Variants in IDO2 observed in about 807,000 individuals in gnomAD.
IDO2 encodes indoleamine 2,3-dioxygenase-like 1 protein.
In IDO2, 46 loss-of-function variants were observed where a neutral mutation model predicts 45.1. The ratio of observed to expected loss-of-function variants is 1.02; its 90% CI spans 0.80 to 1.30. The LOEUF (loss-of-function observed/expected upper bound fraction) is 1.30, where lower values mean the gene tolerates loss of function less well. Among genes scored for constraint, IDO2 ranks in the 50% most tolerant of loss-of-function variants. The pLI is 0.00. For synonymous variants in IDO2, 218 were observed against 184.9 expected (o/e 1.18, Z -1.45); for missense variants, 544 against 491.8 (o/e 1.11, Z -1.00).
chr8:40,008,045 CTTTTT>C (rs34451617), intron 9 of IDO2, among the ~76,000 whole-genome samples: 1 of 103,322 alleles, frequency 9.7e-6, no homozygotes, highest in Non-Finnish European at 1.9e-5. Flanking sequence ...AGCACTGGCA[CTTTTT>C]TTTTTTTTTT....
At chr8:39,989,648 G>A (rs1276028825) in intron 7 of IDO2, 73 bp from the exon 8 acceptor site, 4 of 1,063,032 alleles carry the variant, frequency 3.8e-6, no homozygotes, top group Non-Finnish European at 5.5e-6. Context: ...GGTTCCAACA[G>A]TATGAGGCTT....
chr8:39,969,389 G>A (rs767106820), intron 3 of IDO2, among the ~76,000 whole-genome samples: 1 of 152,088 alleles, frequency 6.6e-6, no homozygotes, highest in Non-Finnish European at 1.5e-5. Flanking sequence ...GCCCCTATAA[G>A]TCCTGAAACT....
intron 4 of IDO2, among the ~76,000 whole-genome samples, chr8:39,979,563 G>A (rs1232665482): frequency 6.6e-6 from 1 of 152,162 alleles, no homozygotes. Flanking sequence ...ATGTTGCCCA[G>A]GCTGGTCTCG....
chr8:40,000,416 A>T (rs1044159612), intron 8 of IDO2, among the ~76,000 whole-genome samples: 1 of 152,188 alleles, frequency 6.6e-6, no homozygotes, highest in African/African-American at 2.4e-5. Context: ...CTTCAAAAAA[A>T]AAAAAAAGTA....
At chr8:39,995,230 TCTC>T (rs1802018325) in intron 8 of IDO2, 3 of 85,954 alleles carry the variant, frequency 3.5e-5, no homozygotes, top group African/African-American at 1.7e-4. Context: ...TCCTTCTCCT[TCTC>T]CTTCTCCTTC....
At chr8:39,995,251 CCTTCTTCTTCTTCCTCTTCTT>C (rs1802020232) in intron 8 of IDO2, 2 of 78,030 alleles carry the variant, frequency 2.6e-5, no homozygotes, top group African/African-American at 1.0e-4. Flanking sequence ...TTCTCCTTCT[CCTTCTTCTTCTTCCTCTTCTT>C]CTTCTTCTTC....
At chr8:40,004,525 T>TGATGATA (rs1554549465) in intron 8 of IDO2, among the ~76,000 whole-genome samples, 1 of 144,398 alleles carries the variant, frequency 6.9e-6, no homozygotes, top group African/African-American at 2.6e-5. Context: ...GACAGACAGA[T>TGATGATA]GATAGATAGA....
chr8:39,995,251 C>CCTTCTCCTTCTCCTTCTTCTT (rs1554548607), intron 8 of IDO2: 2 of 78,058 alleles, frequency 2.6e-5, no homozygotes, highest in African/African-American at 5.1e-5. Context: ...TTCTCCTTCT[C>CCTTCTCCTTCTCCTTCTTCTT]CTTCTTCTTC....
intron 6 of IDO2, chr8:39,987,649 G>A: frequency 2.0e-6 from 1 of 498,748 alleles, no homozygotes. Context: ...TAGACATTGG[G>A]AGGCTGCCTG....
At chr8:40,009,134 C>T (rs961049589) in intron 9 of IDO2, among the ~76,000 whole-genome samples, 2 of 152,198 alleles carry the variant, frequency 1.3e-5, no homozygotes, top group African/African-American at 2.4e-5. Context: ...CCTGCCTCAG[C>T]CTCCCAAGTA....
intron 2 of IDO2, among the ~76,000 whole-genome samples, chr8:39,953,661 C>T (rs904224475): frequency 1.3e-5 from 2 of 152,190 alleles, no homozygotes; most frequent in African/African-American, 4.8e-5. Flanking sequence ...CTCCTGGGTT[C>T]AAACGATTCT....
chr8:39,957,432 C>A (rs535925927), intron 2 of IDO2, among the ~76,000 whole-genome samples: 1 of 151,936 alleles, frequency 6.6e-6, no homozygotes, highest in South Asian at 2.1e-4. Context: ...GGCAACATAG[C>A]GAGACCCCAT....
chr8:40,004,688 CG>C (rs761202100), intron 8 of IDO2, among the ~76,000 whole-genome samples: 1 of 151,622 alleles, frequency 6.6e-6, no homozygotes, highest in Non-Finnish European at 1.5e-5. Flanking sequence ...GAACAACCTT[CG>C]AAAAGAAATT....
chr8:39,970,037 A>G (rs1348472779), intron 3 of IDO2, among the ~76,000 whole-genome samples: 3 of 152,242 alleles, frequency 2.0e-5, no homozygotes, highest in Non-Finnish European at 4.4e-5. Context: ...TACTCCAGTG[A>G]ACATACGAAT....
At chr8:39,943,700 T>C (rs1305163566) in intron 1 of IDO2, among the ~76,000 whole-genome samples, 1 of 135,998 alleles carries the variant, frequency 7.4e-6, no homozygotes, top group African/African-American at 2.8e-5. Flanking sequence ...ATCGCGCCAC[T>C]GCACTCCAGC....
intron 3 of IDO2, among the ~76,000 whole-genome samples, chr8:39,967,654 A>G (rs1808109236): frequency 6.6e-6 from 1 of 152,006 alleles, no homozygotes; most frequent in Non-Finnish European, 1.5e-5. Context: ...CACCCAGCTA[A>G]TTTTTGTATT....
chr8:39,975,008 C>T (rs537833972), intron 3 of IDO2, among the ~76,000 whole-genome samples: 1 of 152,116 alleles, frequency 6.6e-6, no homozygotes, highest in Non-Finnish European at 1.5e-5. Flanking sequence ...ACTTGGGAGG[C>T]TGAGGCAGGA....
chr8:39,993,610 T>C (rs997220154), intron 8 of IDO2, among the ~76,000 whole-genome samples: 1 of 152,216 alleles, frequency 6.6e-6, no homozygotes, highest in African/African-American at 2.4e-5. Flanking sequence ...ACTTATTTTG[T>C]CTAAACTCAA....
rs867622473 is a variant in IDO2, at chr8:39,979,246, G to A, written c.315+60G>A. 264 of 1,545,996 alleles carry A rather than the reference G, an allele frequency of 1.7e-4. 1 individual carries two copies. The highest frequency in any genetic ancestry group is 8.0e-5 in the Non-Finnish European group (92 of 1,143,422). ...GCAGGTTACCTGCGCCTGGAGTAAC[G>A]TGCTCCCTGCTTGGTGCTACCCTGT... On this transcript the variant is annotated intron_variant, in intron 4 of 10. Coordinates refer to ENST00000502986, the Ensembl canonical transcript of IDO2.
Sources: gnomAD v4.1 joint callset for allele counts (sites outside exome capture counted in the v4.1 genomes callset) on GRCh38, gnomAD v4.1.1 for gene constraint, MANE v1.5 for transcripts, NCBI Gene and HGNC (gene_info 2026-07-23, HGNC 2026-07-21) for gene names.